The following FAM219A variants were observed in gnomAD, a reference collection of about 807,000 sequenced individuals.
FAM219A encodes the protein protein FAM219A.
FAM219A carries 7 observed loss-of-function variants against 23.4 expected under a neutral mutation model. The observed-to-expected ratio is 0.30, with a 90% CI of 0.17 to 0.56. The LOEUF (loss-of-function observed/expected upper bound fraction) is 0.56, where lower values mean the gene tolerates loss of function less well. FAM219A is among the 20% of genes least tolerant of loss of function. The pLI is 0.92. For missense variants in FAM219A, 166 were observed against 246.9 expected (o/e 0.67, Z 2.20); for synonymous variants, 93 against 99.0 (o/e 0.94, Z 0.36).
In FAM219A at chr9:34,398,792, CAG is replaced by C. The variant is rs1821316346; in HGVS notation, c.*2170_*2171del. The C allele has an allele frequency of 6.2e-6, 1 of 162,578 alleles. No homozygotes were observed. The highest frequency in any genetic ancestry group is 2.7e-5 in the African/African-American group (1 of 37,390). The allele number at this position is 162,578 out of a possible 1,614,324, so 10.1% of individuals were successfully genotyped here. A position where few individuals can be genotyped will look rare whatever the true frequency, so the allele number is the denominator to read the frequency against. ...CTCTGGGGTCCAGATGATGGGGGCA[CAG>C]GGGTTGGGGGGATGTTGATCTGGGT... On this transcript the variant is annotated 3_prime_UTR_variant, in exon 6 of 6. Coordinates refer to ENST00000651358, the MANE Select transcript of FAM219A (RefSeq NM_001184940.2).
chr9:34,441,401 G>T (rs904310740), intron 1 of FAM219A, among the ~76,000 whole-genome samples: 1 of 152,202 alleles, frequency 6.6e-6, no homozygotes, highest in Non-Finnish European at 1.5e-5. Flanking sequence ...TGCTGTTCCA[G>T]TGAGAACACA....
chr9:34,430,864 C>CAACAACAACAACAACAAG (rs1822672445), intron 1 of FAM219A, among the ~76,000 whole-genome samples: 2 of 151,890 alleles, frequency 1.3e-5, no homozygotes, highest in Non-Finnish European at 2.9e-5. Flanking sequence ...ACAACAACAA[C>CAACAACAACAACAACAAG]AATAAGTTAA....
chr9:34,430,774 G>A (rs1357709391), intron 1 of FAM219A, among the ~76,000 whole-genome samples: 2 of 152,110 alleles, frequency 1.3e-5, no homozygotes, highest in Admixed American at 1.3e-4. Context: ...CCTAGGAGGT[G>A]GAAGCTGTAG....
In FAM219A at chr9:34,398,412, G is replaced by A. The variant is rs1251885885; in HGVS notation, c.*2552C>T. 1 of 1,542,686 alleles carries A rather than the reference G, an allele frequency of 6.5e-7. No homozygotes were observed. The highest frequency in any genetic ancestry group is 1.4e-5 in the African/African-American group (1 of 73,020). On this transcript the variant is annotated 3_prime_UTR_variant, in exon 6 of 6. Coordinates refer to ENST00000651358, the MANE Select transcript of FAM219A (RefSeq NM_001184940.2). The stretch of plus-strand genomic sequence containing the variant: ...AGTATCTACAAGGGGAAGGGTGGCA[G>A]GAGGGCAAGCTAAGGCCTAGATTCT...
At position 34,451,119 on chromosome 9, in the gene FAM219A, T is replaced by C. The variant is rs1823547902; in HGVS notation, c.60+7085A>G. 3.3e-5 allele frequency among the ~76,000 whole-genome samples: 5 copies of C among 152,330 alleles called. No individual in the cohort carries two copies. In the South Asian group the frequency reaches 1.0e-3, roughly 32 times the overall value. On this transcript the variant is annotated intron_variant, in intron 1 of 5. Coordinates refer to ENST00000651358, the MANE Select transcript of FAM219A (RefSeq NM_001184940.2). ...GCCTAGGAGGAAACTCCTGCGGGCA[T>C]GTGTCTACCCTCTCTCCCAGGCCAG...
At chr9:34,439,273 A>G (rs1823068691) in intron 1 of FAM219A, among the ~76,000 whole-genome samples, 1 of 152,268 alleles carries the variant, frequency 6.6e-6, no homozygotes, top group African/African-American at 2.4e-5. Flanking sequence ...ACTTCTAAAC[A>G]GTAGGACACA....
At chr9:34,456,202 G>A (rs1465304550) in intron 1 of FAM219A, among the ~76,000 whole-genome samples, 5 of 151,614 alleles carry the variant, frequency 3.3e-5, no homozygotes, top group Non-Finnish European at 5.9e-5. Context: ...CAAAAAAAAA[G>A]AAAAAAAAGT....
intron 1 of FAM219A, among the ~76,000 whole-genome samples, chr9:34,444,458 T>G (rs1293092193): frequency 1.3e-5 from 2 of 152,092 alleles, no homozygotes; most frequent in East Asian, 3.9e-4. Flanking sequence ...CAAAACTAAG[T>G]TTTTTCCTCA....
At chr9:34,448,118 G>A (rs1034179472) in intron 1 of FAM219A, among the ~76,000 whole-genome samples, 11 of 152,086 alleles carry the variant, frequency 7.2e-5, no homozygotes, top group Middle Eastern at 3.4e-3. Flanking sequence ...CAATCCTCCC[G>A]CCTTGGCCTC....
At chr9:34,441,727 TTTTA>T (rs1220288926) in intron 1 of FAM219A, among the ~76,000 whole-genome samples, 1 of 152,062 alleles carries the variant, frequency 6.6e-6, no homozygotes, top group Admixed American at 6.5e-5. Context: ...TGAAGGGGGC[TTTTA>T]TTTATTTTTT....
In FAM219A at chr9:34,455,036, G is replaced by A. The variant is rs76776010; in HGVS notation, c.60+3168C>T. Among the ~76,000 whole-genome samples the A allele has an allele frequency of 3.3e-3, 507 of 152,324 alleles. 2 individuals carry two copies. The highest frequency in any genetic ancestry group is 0.011 in the African/African-American group (477 of 41,564). The stretch of plus-strand genomic sequence containing the variant: ...TGCCCTCAGTGGAGGATCACACTAA[G>A]AGAGTGAGCAAGAGAAACAAACTTT... On this transcript the variant is annotated intron_variant, in intron 1 of 5. Transcript: ENST00000651358.
chr9:34,402,880 G>A (rs1821501966), intron 2 of FAM219A, 73 bp from the exon 3 acceptor site: 1 of 1,391,692 alleles, frequency 7.2e-7, no homozygotes, highest in East Asian at 2.4e-5. Context: ...AGGGCAGCCT[G>A]GGCTGGGCCT....
intron 1 of FAM219A, among the ~76,000 whole-genome samples, chr9:34,415,118 TA>T (rs966319669): frequency 5.8e-4 from 36 of 62,352 alleles, no homozygotes; most frequent in African/African-American, 1.6e-4. Context: ...TATGCCTGGC[TA>T]AATTTTTTTT....
At chr9:34,438,923 C>T (rs982016336) in intron 1 of FAM219A, among the ~76,000 whole-genome samples, 1 of 152,248 alleles carries the variant, frequency 6.6e-6, no homozygotes, top group Non-Finnish European at 1.5e-5. Context: ...TGCTACTGCT[C>T]ATTCTTTGGG....
At chr9:34,432,939 C>T (rs1029459366) in intron 1 of FAM219A, among the ~76,000 whole-genome samples, 1 of 152,164 alleles carries the variant, frequency 6.6e-6, no homozygotes, top group Non-Finnish European at 1.5e-5. Context: ...CTCAAGGGAT[C>T]CTCCTGCCTC....
chr9:34,445,664 A>G (rs1287869404), intron 1 of FAM219A, among the ~76,000 whole-genome samples: 1 of 151,202 alleles, frequency 6.6e-6, no homozygotes, highest in Non-Finnish European at 1.5e-5. Flanking sequence ...GCCAGTGGAG[A>G]AGTTCAAGCC....
At chr9:34,414,420 A>G (rs72733186) in intron 1 of FAM219A, among the ~76,000 whole-genome samples, 19,873 of 152,278 alleles carry the variant, frequency 0.13, 1,611 homozygotes, top group Non-Finnish European at 0.18. Context: ...TCCTTTTGGG[A>G]CATATTAAGA....
Position 34,400,830 on chromosome 9 carries a change from G to A in FAM219A, c.*134C>T. 2 of 879,596 alleles carry A rather than the reference G, an allele frequency of 2.3e-6. No individual in the cohort carries two copies. The highest frequency in any genetic ancestry group is 3.3e-6 in the Non-Finnish European group (2 of 611,850). The allele number at this position is 879,596 out of a possible 1,614,324, so 54.5% of individuals were successfully genotyped here. On this transcript the variant is annotated 3_prime_UTR_variant, in exon 6 of 6. Coordinates refer to ENST00000651358, the MANE Select transcript of FAM219A (RefSeq NM_001184940.2). Reference sequence around the variant, plus strand: ...ACGTCCTACCATAGGAGGAAGCAATGACTGTTATACGAGGTTGGCGGCTGT... The same window carrying A: ...ACGTCCTACCATAGGAGGAAGCAATAACTGTTATACGAGGTTGGCGGCTGT...
At chr9:34,411,251 A>T (rs1821809521) in intron 1 of FAM219A, among the ~76,000 whole-genome samples, 1 of 152,160 alleles carries the variant, frequency 6.6e-6, no homozygotes, top group Non-Finnish European at 1.5e-5. Context: ...TCACAAATAC[A>T]AATAGAAAAG....
Sources: allele counts gnomAD v4.1 joint callset (sites outside exome capture counted in the v4.1 genomes callset), GRCh38; gene constraint gnomAD v4.1.1; transcripts MANE v1.5; gene names NCBI Gene and HGNC (gene_info 2026-07-23, HGNC 2026-07-21).